Variants in BCAP29 observed in about 807,000 individuals in gnomAD.
BCAP29 encodes B-cell receptor-associated protein 29.
A neutral mutation model predicts 31.8 loss-of-function variants in BCAP29; 34 were observed. That is an observed-to-expected ratio of 1.07 (90% CI 0.81 to 1.42). The LOEUF (loss-of-function observed/expected upper bound fraction) is 1.42. BCAP29 is among the 40% of genes most tolerant of loss of function. The pLI is 0.00. For missense variants in BCAP29, 314 were observed against 269.2 expected (o/e 1.17, Z -1.16); for synonymous variants, 104 against 91.3 (o/e 1.14, Z -0.79).
chr7:107,613,364 A>C lies in BCAP29; in HGVS notation c.622A>C (p.Met208Leu). The C allele has an allele frequency of 2.5e-6, 4 of 1,612,488 alleles. No individual in the cohort carries two copies. The highest frequency in any genetic ancestry group is 3.4e-6 in the Non-Finnish European group (4 of 1,178,792). The change falls in exon 7 of 8, where the codon ATG becomes CTG. Residue 208 changes from methionine (M) to leucine (L), a missense_variant. Physicochemically the swap from Met to Leu is conservative, Grantham distance 15. Coordinates refer to ENST00000005259, the MANE Select transcript of BCAP29 (RefSeq NM_018844.4). ...TAAGGCACAAAATGATGTGATGGAA[A>C]TGAAGATGCAGTCAGAGAGACTTTC... ...LSKAQNDVMEMKMQSERLSKE... is the reference protein window; with the variant it reads ...LSKAQNDVMELKMQSERLSKE...
chr7:107,580,846 C>A lies in BCAP29; in HGVS notation c.74C>A (p.Pro25His), dbSNP rs1806503077. The A allele has an allele frequency of 1.3e-6, 2 of 1,591,252 alleles. No homozygotes were observed. The highest frequency in any genetic ancestry group is 4.7e-5 in the East Asian group (2 of 42,306). The change falls in exon 2 of 8, where the codon CCT becomes CAT. Residue 25 changes from proline (P) to histidine (H), a missense_variant. Physicochemically the swap from Pro to His is moderately conservative, Grantham distance 77. Transcript: ENST00000005259. ...GGACTCATTTTAATCTTCTGCCTAC[C>A]TTTTATTCCTCCTCAGAGGTAGGAA... ...EIGLILIFCL[P>H]FIPPQRWQKI... is the part of the protein sequence containing the mutation.
chr7:107,621,964 G>C (rs149241331), downstream of BCAP29: 505 of 512,232 alleles, frequency 9.9e-4, 2 homozygotes, highest in African/African-American at 9.0e-3. Context: ...ATTTCAAGGG[G>C]TGTGGAAAAC....
chr7:107,582,894 A>G (rs751905288), intron 2 of BCAP29, among the ~76,000 whole-genome samples: 5 of 152,160 alleles, frequency 3.3e-5, no homozygotes, highest in Non-Finnish European at 7.4e-5. Flanking sequence ...TTGGCTGTAT[A>G]AAATGCTTGG....
intron 7 of BCAP29, chr7:107,615,261 C>T (rs1346542620): frequency 2.2e-6 from 1 of 456,714 alleles, no homozygotes; most frequent in South Asian, 1.5e-5. Flanking sequence ...CCACAGTCAG[C>T]CTGGAGCTGC....
chr7:107,605,475 C>CA (rs1811921690), intron 6 of BCAP29, among the ~76,000 whole-genome samples: 1 of 152,148 alleles, frequency 6.6e-6, no homozygotes, highest in Non-Finnish European at 1.5e-5. Flanking sequence ...CATACTGAAT[C>CA]AAGGAATGTT....
intron 3 of BCAP29, among the ~76,000 whole-genome samples, chr7:107,592,290 A>ATCT (rs1450495559): frequency 2.0e-5 from 3 of 152,234 alleles, no homozygotes; most frequent in African/African-American, 7.2e-5. Context: ...CTGAATAGAT[A>ATCT]TTTTTCCAAA....
intron 3 of BCAP29, among the ~76,000 whole-genome samples, chr7:107,584,887 T>C (rs1216092398): frequency 6.6e-6 from 1 of 152,190 alleles, no homozygotes; most frequent in Non-Finnish European, 1.5e-5. Context: ...AAATAAAGTT[T>C]TATTGGGAAA....
intron 3 of BCAP29, among the ~76,000 whole-genome samples, chr7:107,588,564 CCAAAAG>C (rs1471306787): frequency 3.3e-5 from 5 of 152,062 alleles, no homozygotes; most frequent in Non-Finnish European, 5.9e-5. Flanking sequence ...TGTAGAGCAA[CCAAAAG>C]CAGGCAGAAA....
intron 7 of BCAP29, among the ~76,000 whole-genome samples, chr7:107,616,049 T>C (rs935338415): frequency 6.6e-6 from 1 of 152,188 alleles, no homozygotes; most frequent in Admixed American, 6.5e-5. Context: ...GATTGTGTTC[T>C]TGGATCCATT....
At chr7:107,602,348 TG>T (rs1344753588) in intron 6 of BCAP29, among the ~76,000 whole-genome samples, 2 of 152,220 alleles carry the variant, frequency 1.3e-5, no homozygotes, top group African/African-American at 4.8e-5. Context: ...CATGTTCTGT[TG>T]ACCTAAACCA....
chr7:107,582,303 G>C (rs1482083108), intron 2 of BCAP29, among the ~76,000 whole-genome samples: 1 of 152,148 alleles, frequency 6.6e-6, no homozygotes, highest in Non-Finnish European at 1.5e-5. Flanking sequence ...TTAGATAGAT[G>C]TGTGTATATT....
chr7:107,582,606 A>T (rs1400206031), intron 2 of BCAP29, among the ~76,000 whole-genome samples: 1 of 152,194 alleles, frequency 6.6e-6, no homozygotes, highest in Non-Finnish European at 1.5e-5. Flanking sequence ...TGTAAAATGG[A>T]GGTAGTACTA....
intron 5 of BCAP29, among the ~76,000 whole-genome samples, chr7:107,599,975 A>G (rs1010362589): frequency 1.3e-5 from 2 of 152,132 alleles, no homozygotes; most frequent in African/African-American, 2.4e-5. Flanking sequence ...TTCTCTTACA[A>G]ATTTGTCTGT....
At chr7:107,580,652 G>A (rs1055144177) in intron 1 of BCAP29, 107 bp from the exon 2 acceptor site, 2 of 720,776 alleles carry the variant, frequency 2.8e-6, no homozygotes, top group South Asian at 3.6e-5. Context: ...CCAGGTGGGG[G>A]AAGGTGGAAC....
At chr7:107,586,018 G>A (rs141105240) in intron 3 of BCAP29, among the ~76,000 whole-genome samples, 1 of 152,012 alleles carries the variant, frequency 6.6e-6, no homozygotes, top group African/African-American at 2.4e-5. Flanking sequence ...ACTTGAACTC[G>A]CTTGACTAAA....
Position 107,595,882 on chromosome 7 carries a change from G to C in BCAP29, c.360G>C (p.Leu120=), listed in dbSNP as rs1355815283. The change falls in exon 5 of 8, where the codon CTG becomes CTC. Residue 120 remains leucine (L), a synonymous_variant. Transcript: ENST00000005259. The stretch of plus-strand genomic sequence containing the variant: ...TTTTTCTTAGAGTTTTGAGACGTCT[G>C]GTTACGCTTATTACTCAACTGGCAA... ...SLFFWLVLRR[L]VTLITQLAKE... 6.2e-7 allele frequency: 1 copy of C among 1,600,350 alleles called. No homozygotes were observed. Among genetic ancestry groups the C allele is most frequent in the Non-Finnish European group, 8.5e-7 (1 of 1,176,320 alleles).
In BCAP29 at chr7:107,619,745, AG is replaced by A. The variant is rs1299750090; in HGVS notation, c.*1383del. 1 of 152,224 alleles carries A rather than the reference AG, an allele frequency of 6.6e-6. No individual in the cohort carries two copies. The highest frequency in any genetic ancestry group is 1.5e-5 in the Non-Finnish European group (1 of 68,028). 9.4% of individuals were successfully genotyped at this position (152,224 alleles called of 1,614,324 possible). On this transcript the variant is annotated 3_prime_UTR_variant, in exon 8 of 8. Coordinates refer to ENST00000005259, the MANE Select transcript of BCAP29 (RefSeq NM_018844.4). ...AAATGTTAGCTCAAAGTATAGACTT[AG>A]AAATATCAAAGTAAGAGCTATCTGG...
rs1250455093 is a variant in BCAP29 at position 107,618,498 on chromosome 7, G to A, written c.*135G>A. On this transcript the variant is annotated 3_prime_UTR_variant, in exon 8 of 8. Coordinates refer to ENST00000005259, the MANE Select transcript of BCAP29 (RefSeq NM_018844.4). Reference sequence around the variant, plus strand: ...TTTAATGCCACACATAGGTTGTATTGTAATGGCATTATCAAAATATTTGAT... The same window carrying A: ...TTTAATGCCACACATAGGTTGTATTATAATGGCATTATCAAAATATTTGAT... 8.1e-6 allele frequency: 13 copies of A among 1,611,792 alleles called. No homozygotes were observed. The highest frequency in any genetic ancestry group is 1.1e-5 in the South Asian group (1 of 90,982).
chr7:107,585,812 G>A (rs756197056), intron 3 of BCAP29, among the ~76,000 whole-genome samples: 8 of 152,108 alleles, frequency 5.3e-5, no homozygotes, highest in Admixed American at 1.3e-4. Context: ...CCAACGTGGT[G>A]AAACCCTGTC....
Sources: allele counts gnomAD v4.1 joint callset (sites outside exome capture counted in the v4.1 genomes callset), GRCh38; gene constraint gnomAD v4.1.1; transcripts MANE v1.5; gene names NCBI Gene and HGNC (gene_info 2026-07-23, HGNC 2026-07-21).